The following HIVEP2 variants were observed in gnomAD, a reference collection of about 807,000 sequenced individuals.
The protein encoded by HIVEP2 is transcription factor HIVEP2.
HIVEP2 carries 14 observed loss-of-function variants against 180.7 expected under a neutral mutation model. The ratio of observed to expected loss-of-function variants is 0.08; its 90% CI spans 0.05 to 0.12. HIVEP2 has a LOEUF of 0.12. Ranked by LOEUF, HIVEP2 falls within the 10% of genes least tolerant of loss-of-function variation. The pLI is 1.00. For synonymous variants in HIVEP2, 1,184 were observed against 1,136.4 expected (o/e 1.04, Z -0.84); for missense variants, 2,579 against 3,008.5 (o/e 0.86, Z 3.34).
At chr6:142,877,105 A>C (rs552452028) in intron 1 of HIVEP2, among the ~76,000 whole-genome samples, 65 of 152,310 alleles carry the variant, frequency 4.3e-4, no homozygotes, top group Non-Finnish European at 6.5e-4. Context: ...TTTCTACAAA[A>C]GTATCAACTT....
At chr6:142,875,255 G>A (rs1776403729) in intron 1 of HIVEP2, among the ~76,000 whole-genome samples, 1 of 152,100 alleles carries the variant, frequency 6.6e-6, no homozygotes, top group Admixed American at 6.5e-5. Flanking sequence ...AGCAGTAAGT[G>A]CAAAGACAGG....
In HIVEP2 at chr6:142,753,388, C is replaced by A. The variant is rs760664664; in HGVS notation, c.7060G>T (p.Val2354Leu). Residue 2354 changes from valine to leucine, a missense_variant, in exon 10 of 10, where the codon GTG (valine) becomes TTG (leucine). Around this residue, in one of 11 missense-constraint regions of HIVEP2, gnomAD observed 660 missense variants for 731.7 expected, o/e 0.90. Coordinates refer to ENST00000367603, the MANE Select transcript of HIVEP2 (RefSeq NM_006734.4). ...ALLGPDQPAR[V>L]QEPHQNPLGS... ...AGGGGGTTCTGGTGGGGCTCCTGCA[C>A]CCGCGCTGGCTGATCTGGCCCGAGC... The A allele has an allele frequency of 1.9e-6, 3 of 1,613,842 alleles. No individual in the cohort carries two copies. The highest frequency in any genetic ancestry group is 1.3e-5 in the African/African-American group (1 of 74,920).
chr6:142,911,769 TGA>T (rs761319791), intron 1 of HIVEP2, among the ~76,000 whole-genome samples: 6 of 152,270 alleles, frequency 3.9e-5, no homozygotes, highest in Non-Finnish European at 8.8e-5. Context: ...GAAATGTGTG[TGA>T]GTGTTTGTGT....
At chr6:142,797,638 T>C (rs989930751) in intron 2 of HIVEP2, among the ~76,000 whole-genome samples, 53 of 152,220 alleles carry the variant, frequency 3.5e-4, no homozygotes, top group African/African-American at 1.2e-3. Flanking sequence ...GGTGGGAAAA[T>C]AGGTGAGAAC....
intron 1 of HIVEP2, among the ~76,000 whole-genome samples, chr6:142,868,812 G>T (rs1776211473): frequency 6.6e-6 from 1 of 152,098 alleles, no homozygotes; most frequent in Non-Finnish European, 1.5e-5. Flanking sequence ...TGGTAAATAA[G>T]GGTTAATCAG....
intron 2 of HIVEP2, among the ~76,000 whole-genome samples, chr6:142,821,361 T>C (rs7752766): frequency 0.79 from 119,620 of 152,056 alleles, 47,692 homozygotes; most frequent in Non-Finnish European, 0.86. Flanking sequence ...TGGACAACTA[T>C]GGCTTAAAGC....
intron 8 of HIVEP2, among the ~76,000 whole-genome samples, chr6:142,761,011 A>G (rs1562498345): frequency 6.6e-6 from 1 of 152,246 alleles, no homozygotes; most frequent in Non-Finnish European, 1.5e-5. Context: ...TGTCTCTGCA[A>G]GCTCAGGTAC....
At chr6:142,887,355 A>G (rs1776727226) in intron 1 of HIVEP2, among the ~76,000 whole-genome samples, 1 of 152,118 alleles carries the variant, frequency 6.6e-6, no homozygotes, top group Non-Finnish European at 1.5e-5. Flanking sequence ...AGAAACCAAA[A>G]ATGTTTCACT....
intron 9 of HIVEP2, among the ~76,000 whole-genome samples, chr6:142,755,225 T>C (rs929331912): frequency 1.3e-5 from 2 of 152,226 alleles, no homozygotes; most frequent in Non-Finnish European, 2.9e-5. Flanking sequence ...ACATGGATTC[T>C]CCTGAAAGTG....
chr6:142,783,748 C>T (rs79960346), intron 2 of HIVEP2, 133 bp from the exon 3 acceptor site: 2 of 144,014 alleles, frequency 1.4e-5, no homozygotes, highest in African/African-American at 2.5e-5. Context: ...TCTCAAGAAG[C>T]TTTTTTTTTT....
At chr6:142,940,137 G>C (rs1778142282) in intron 1 of HIVEP2, among the ~76,000 whole-genome samples, 1 of 152,144 alleles carries the variant, frequency 6.6e-6, no homozygotes, top group South Asian at 2.1e-4. Context: ...CTCATGCAGG[G>C]CTCCAAAGAT....
intron 9 of HIVEP2, among the ~76,000 whole-genome samples, chr6:142,757,012 A>G (rs939065354): frequency 9.2e-5 from 14 of 152,170 alleles, no homozygotes; most frequent in African/African-American, 2.7e-4. Context: ...GTACATTTGT[A>G]CATATGTGTA....
At chr6:142,932,465 AG>A (rs1351849037) in intron 1 of HIVEP2, among the ~76,000 whole-genome samples, 2 of 152,174 alleles carry the variant, frequency 1.3e-5, no homozygotes, top group Non-Finnish European at 2.9e-5. Flanking sequence ...ATTTTTGAGG[AG>A]TTATTAAAAA....
At chr6:142,884,642 A>T (rs1027709491) in intron 1 of HIVEP2, among the ~76,000 whole-genome samples, 6 of 152,190 alleles carry the variant, frequency 3.9e-5, no homozygotes, top group Admixed American at 2.0e-4. Context: ...TAGGGTAAGG[A>T]TAGAGACAGG....
chr6:142,831,935 T>A (rs1340046395), intron 2 of HIVEP2, among the ~76,000 whole-genome samples: 1 of 152,080 alleles, frequency 6.6e-6, no homozygotes, highest in East Asian at 1.9e-4. Flanking sequence ...CTCACACCTA[T>A]AATCACAGCA....
intron 2 of HIVEP2, among the ~76,000 whole-genome samples, chr6:142,814,037 A>G (rs1429014885): frequency 6.6e-6 from 1 of 151,898 alleles, no homozygotes; most frequent in African/African-American, 2.4e-5. Context: ...CACCAGATCT[A>G]TGGTCAAATA....
rs554349685 is a variant in HIVEP2 at position 142,753,730 on chromosome 6, T to C, written c.6718A>G (p.Met2240Val). 49 of 1,614,036 alleles carry C rather than the reference T, an allele frequency of 3.0e-5. 1 individual carries two copies. In the South Asian group the frequency reaches 5.4e-4, roughly 18 times the overall value. The change falls in exon 10 of 10, where the codon ATG becomes GTG. Residue 2240 changes from methionine to valine, a missense_variant. Physicochemically the swap from Met to Val is conservative, Grantham distance 21. Coordinates refer to ENST00000367603, the MANE Select transcript of HIVEP2 (RefSeq NM_006734.4). ...TGTAAACTGGAAAGGGCTGGCGGCA[T>C]GGAGTGAACCATCTGGATCCCACCA... is the stretch of plus-strand genomic sequence containing the variant. ...PVGGIQMVHS[M>V]PPALSSLHPS...
chr6:142,837,898 A>G lies in HIVEP2; in HGVS notation c.-640-851T>C, dbSNP rs558491593. On this transcript the variant is annotated intron_variant, in intron 1 of 9. Coordinates refer to ENST00000367603, the MANE Select transcript of HIVEP2 (RefSeq NM_006734.4). ...CCCAAGGTAGACTTAGTATGTTCAA[A>G]CATACTAATATTTCAAAAAGTCTCT... Among the ~76,000 whole-genome samples, 3 of 152,198 alleles carry G rather than the reference A, an allele frequency of 2.0e-5. No homozygotes were observed. In the South Asian group the frequency reaches 6.2e-4, roughly 32 times the overall value.
rs1345186006 is a variant in HIVEP2, at chr6:142,943,103, A to C, written c.-641+1996T>G. ...TTGTCATTTGGTACTATGACTCCTT[A>C]GGGTTCCACAGGGAATTTTCTCTTA... On this transcript the variant is annotated intron_variant, in intron 1 of 9. Coordinates refer to ENST00000367603, the MANE Select transcript of HIVEP2 (RefSeq NM_006734.4). The surrounding 1 kb of genome is among the most constrained non-coding windows in gnomAD (Gnocchi z 4.5). 2.6e-5 allele frequency among the ~76,000 whole-genome samples: 4 copies of C among 152,196 alleles called. No homozygotes were observed. The highest frequency in any genetic ancestry group is 5.9e-5 in the Non-Finnish European group (4 of 68,014).
Sources: allele counts gnomAD v4.1 joint callset (sites outside exome capture counted in the v4.1 genomes callset), GRCh38; gene constraint gnomAD v4.1.1; regional missense constraint gnomAD v4.1.1; non-coding constraint Gnocchi (gnomAD v3.1); transcripts MANE v1.5; gene names NCBI Gene and HGNC (gene_info 2026-07-23, HGNC 2026-07-21).